CEP112: variants seen among roughly 807,000 people sequenced by gnomAD.
The protein encoded by CEP112 is centrosomal protein of 112 kDa.
A neutral mutation model predicts 153.0 loss-of-function variants in CEP112; 127 were observed. The ratio of observed to expected loss-of-function variants is 0.83; its 90% confidence interval spans 0.72 to 0.96. The LOEUF is 0.96. CEP112 is among the 40% of genes least tolerant of loss of function. CEP112 has a pLI of 0.00. For synonymous variants in CEP112, 358 were observed against 374.4 expected (o/e 0.96, Z 0.51); for missense variants, 1,089 against 1,101.2 (o/e 0.99, Z 0.16).
At chr17:65,670,430 T>C (rs2046928921) in intron 24 of CEP112, among the ~76,000 whole-genome samples, 1 of 151,876 alleles carries the variant, frequency 6.6e-6, no homozygotes, top group Non-Finnish European at 1.5e-5. Flanking sequence ...TATATTAATA[T>C]ACACAAATGC....
intron 21 of CEP112, among the ~76,000 whole-genome samples, chr17:65,820,281 A>G (rs2056465521): frequency 6.6e-6 from 1 of 151,968 alleles, no homozygotes. Flanking sequence ...CTCTTCCATA[A>G]AAGATCCCGC....
intron 21 of CEP112, among the ~76,000 whole-genome samples, chr17:65,783,090 A>G (rs1366564350): frequency 6.6e-6 from 1 of 151,990 alleles, no homozygotes. Flanking sequence ...TTAAAAAAAA[A>G]GAATAATTCA....
intron 21 of CEP112, among the ~76,000 whole-genome samples, chr17:65,761,314 A>G (rs1054190543): frequency 6.6e-6 from 1 of 151,798 alleles, no homozygotes; most frequent in Non-Finnish European, 1.5e-5. Context: ...GGGTCTCACT[A>G]TGTTGCTCAG....
At chr17:66,010,919 C>T (rs1375331055) in intron 16 of CEP112, among the ~76,000 whole-genome samples, 2 of 151,968 alleles carry the variant, frequency 1.3e-5, no homozygotes, top group African/African-American at 4.8e-5. Context: ...CTGAAGCTTA[C>T]TTTTTTTGTC....
intron 17 of CEP112, among the ~76,000 whole-genome samples, chr17:65,997,520 T>C (rs1228413635): frequency 6.6e-6 from 1 of 152,214 alleles, no homozygotes; most frequent in Non-Finnish European, 1.5e-5. Flanking sequence ...ACTGAAAGCA[T>C]CTCAGGACCT....
chr17:66,007,977 T>C (rs887220847), intron 16 of CEP112, among the ~76,000 whole-genome samples: 1 of 152,186 alleles, frequency 6.6e-6, no homozygotes, highest in African/African-American at 2.4e-5. Context: ...TTACTTTTTA[T>C]ACATGGCATT....
At chr17:65,971,372 G>A (rs1488058452) in intron 17 of CEP112, among the ~76,000 whole-genome samples, 5 of 109,442 alleles carry the variant, frequency 4.6e-5, no homozygotes, top group African/African-American at 6.3e-5. Flanking sequence ...TATATCGCAT[G>A]TATGTACATT....
chr17:65,657,049 G>A (rs1200182749), intron 24 of CEP112, among the ~76,000 whole-genome samples: 3 of 152,156 alleles, frequency 2.0e-5, no homozygotes, highest in Non-Finnish European at 4.4e-5. Flanking sequence ...GCAAACACCA[G>A]GGCCTACGGG....
chr17:65,728,073 G>T (rs1298535329), intron 23 of CEP112, among the ~76,000 whole-genome samples: 1 of 152,208 alleles, frequency 6.6e-6, no homozygotes, highest in Non-Finnish European at 1.5e-5. Flanking sequence ...TTGACATACT[G>T]TCTATGGCTG....
chr17:65,800,660 G>A (rs1310932900), intron 21 of CEP112, among the ~76,000 whole-genome samples: 1 of 152,190 alleles, frequency 6.6e-6, no homozygotes, highest in Non-Finnish European at 1.5e-5. Context: ...ATAATTCTAA[G>A]TTTAATTTTT....
chr17:65,789,476 C>T (rs1020995820), intron 21 of CEP112, among the ~76,000 whole-genome samples: 2 of 152,122 alleles, frequency 1.3e-5, no homozygotes, highest in Non-Finnish European at 2.9e-5. Flanking sequence ...AGTTCAAGTT[C>T]CTTAATGGGG....
At chr17:65,891,146 A>G (rs1362118028) in intron 20 of CEP112, among the ~76,000 whole-genome samples, 1 of 152,174 alleles carries the variant, frequency 6.6e-6, no homozygotes, top group Non-Finnish European at 1.5e-5. Context: ...TGGATATCAC[A>G]GGTGTGGAAA....
chr17:65,944,498 AC>A (rs1158547712), intron 18 of CEP112, among the ~76,000 whole-genome samples: 2 of 152,232 alleles, frequency 1.3e-5, no homozygotes, highest in African/African-American at 2.4e-5. Flanking sequence ...GGTTATTATT[AC>A]AGTTATTTTC....
At chr17:65,836,856 G>T (rs1376071834) in intron 21 of CEP112, among the ~76,000 whole-genome samples, 1 of 106,378 alleles carries the variant, frequency 9.4e-6, no homozygotes, top group Non-Finnish European at 1.8e-5. Flanking sequence ...ATGCCCAGCC[G>T]AGGCTGGACT....
At chr17:65,956,968 G>C (rs572106497) in intron 18 of CEP112, among the ~76,000 whole-genome samples, 1 of 152,070 alleles carries the variant, frequency 6.6e-6, no homozygotes, top group Non-Finnish European at 1.5e-5. Context: ...GTATAGGGCA[G>C]GTAGGGTATA....
At chr17:66,002,324 C>T (rs2064093557) in intron 17 of CEP112, among the ~76,000 whole-genome samples, 1 of 152,172 alleles carries the variant, frequency 6.6e-6, no homozygotes, top group Non-Finnish European at 1.5e-5. Flanking sequence ...ATCTCAAACA[C>T]ATTATATATC....
At chr17:65,992,916 T>C (rs572634255) in intron 17 of CEP112, among the ~76,000 whole-genome samples, 35 of 137,672 alleles carry the variant, frequency 2.5e-4, no homozygotes, top group African/African-American at 1.0e-3. Flanking sequence ...TTCCCACATA[T>C]GTGTATTCTT....
chr17:66,023,257 A>G (rs574949017), intron 16 of CEP112, among the ~76,000 whole-genome samples: 3 of 152,322 alleles, frequency 2.0e-5, no homozygotes, highest in South Asian at 4.1e-4. Context: ...TACCATAAGA[A>G]ATAGTCATCA....
intron 8 of CEP112, 47 bp from the exon 9 acceptor site, chr17:66,070,048 G>T (rs2067256146): frequency 3.7e-6 from 4 of 1,082,616 alleles, no homozygotes; most frequent in African/African-American, 1.6e-5. Context: ...CTTTCCCTTT[G>T]GCAAAAAATA....
Sources: allele counts gnomAD v4.1 joint callset (sites outside exome capture counted in the v4.1 genomes callset), GRCh38; gene constraint gnomAD v4.1.1; transcripts MANE v1.5; gene names NCBI Gene and HGNC (gene_info 2026-07-23, HGNC 2026-07-21).